COP1: variants seen among roughly 807,000 people sequenced by gnomAD.
COP1 encodes COP1 E3 ubiquitin ligase, also known as E3 ubiquitin-protein ligase COP1.
In COP1, 24 loss-of-function variants were observed where a neutral mutation model predicts 101.3. The ratio of observed to expected loss-of-function variants is 0.24; its 90% CI spans 0.17 to 0.33. COP1 has a LOEUF of 0.33. Ranked by LOEUF, COP1 falls within the 10% of genes least tolerant of loss-of-function variation. The pLI, the probability that COP1 is intolerant of heterozygous loss-of-function variation, is 1.00. For synonymous variants in COP1, 347 were observed against 341.9 expected, an observed-to-expected ratio of 1.01 and a Z score of -0.17; for missense variants, 663 against 906.2, an observed-to-expected ratio of 0.73 and a Z score of 3.45.
intron 3 of COP1, among the ~76,000 whole-genome samples, chr1:176,166,345 T>C (rs2149979663): frequency 6.6e-6 from 1 of 152,322 alleles, no homozygotes; most frequent in African/African-American, 2.4e-5. Flanking sequence ...CAGGCTGATC[T>C]TGAACTCTTG....
intron 15 of COP1, among the ~76,000 whole-genome samples, chr1:175,998,430 G>A (rs1660816373): frequency 6.6e-6 from 1 of 150,686 alleles, no homozygotes; most frequent in South Asian, 2.1e-4. Flanking sequence ...CCTGCACATT[G>A]TGCACATGTA....
At chr1:176,201,193 A>G (rs1700228852) in intron 1 of COP1, among the ~76,000 whole-genome samples, 1 of 152,250 alleles carries the variant, frequency 6.6e-6, no homozygotes, top group South Asian at 2.1e-4. Flanking sequence ...TTCGAAAACA[A>G]AAACCAAAAA....
chr1:176,156,722 A>G (rs528725446), intron 5 of COP1, among the ~76,000 whole-genome samples: 1 of 152,332 alleles, frequency 6.6e-6, no homozygotes, highest in South Asian at 2.1e-4. Context: ...CATAATAATA[A>G]TAAAGGAGAT....
At chr1:176,170,926 C>G (rs899404762) in intron 3 of COP1, among the ~76,000 whole-genome samples, 5 of 151,940 alleles carry the variant, frequency 3.3e-5, no homozygotes, top group African/African-American at 1.2e-4. Context: ...GAGATCAAGA[C>G]CATCCTGGCT....
At chr1:176,035,710 C>CAAAAAAAAAAAAAAAAAAAACACAAAA (rs1669389175) in intron 14 of COP1, among the ~76,000 whole-genome samples, 1 of 73,110 alleles carries the variant, frequency 1.4e-5, no homozygotes, top group Non-Finnish European at 2.5e-5. Context: ...AAAACGAGAC[C>CAAAAAAAAAAAAAAAAAAAACACAAAA]AAAAAAAAAA....
chr1:176,072,083 T>C (rs191042374), intron 11 of COP1, among the ~76,000 whole-genome samples: 8 of 152,364 alleles, frequency 5.3e-5, no homozygotes, highest in East Asian at 1.9e-4. Flanking sequence ...TGAATTACCA[T>C]AGAAGTAGAA....
intron 18 of COP1, among the ~76,000 whole-genome samples, chr1:175,985,911 T>C (rs945982016): frequency 5.3e-5 from 8 of 152,140 alleles, no homozygotes; most frequent in Admixed American, 6.5e-5. Context: ...GATTTTTAAA[T>C]TACATATCAA....
In COP1 at chr1:176,046,330, G is replaced by T; in HGVS notation, c.1278-6C>A. ...AATCCCGGTCAAATTCAATACTAAG[G>T]GGAAAAAGTATGTAATGACAACATT... On this transcript the variant is annotated splice_polypyrimidine_tract_variant and splice_region_variant and intron_variant, in intron 11 of 19. Coordinates refer to ENST00000367669, the MANE Select transcript of COP1 (RefSeq NM_022457.7). 6.2e-7 allele frequency: 1 copy of T among 1,602,714 alleles called. No homozygotes were observed. Among genetic ancestry groups the T allele is most frequent in the Non-Finnish European group, 8.5e-7 (1 of 1,176,832 alleles).
chr1:176,042,424 A>T (rs1204499157), intron 14 of COP1, among the ~76,000 whole-genome samples: 1 of 146,242 alleles, frequency 6.8e-6, no homozygotes, highest in Non-Finnish European at 1.5e-5. Context: ...TTAGCCAGGC[A>T]TGGTGGTGGG....
At chr1:176,079,469 G>A (rs1041790204) in intron 11 of COP1, among the ~76,000 whole-genome samples, 1 of 151,772 alleles carries the variant, frequency 6.6e-6, no homozygotes, top group African/African-American at 2.4e-5. Context: ...CACATACCGG[G>A]GACAACTAGA....
At position 176,188,911 on chromosome 1, in the gene COP1, T is replaced by C. The variant is rs1698794780; in HGVS notation, c.408-4219A>G. ...GTGACATATGTGAAATGTTCTAACATACATGTAATTGAAGTCACAGATGAC... is the reference window on the plus strand; with the variant it reads ...GTGACATATGTGAAATGTTCTAACACACATGTAATTGAAGTCACAGATGAC... On this transcript the variant is annotated intron_variant, in intron 1 of 19. Transcript: ENST00000367669. Among the ~76,000 whole-genome samples the C allele has an allele frequency of 1.3e-5, 2 of 151,850 alleles. 1 individual carries two copies. Among genetic ancestry groups the C allele is most frequent in the South Asian group, 4.1e-4 (2 of 4,830 alleles).
At chr1:176,094,735 AAG>A (rs1349066387) in intron 9 of COP1, among the ~76,000 whole-genome samples, 1 of 151,630 alleles carries the variant, frequency 6.6e-6, no homozygotes, top group Non-Finnish European at 1.5e-5. Context: ...ATGAAGATAA[AAG>A]AGCAAATTAG....
intron 9 of COP1, among the ~76,000 whole-genome samples, chr1:176,098,455 G>A (rs1283638513): frequency 2.0e-5 from 3 of 152,128 alleles, no homozygotes; most frequent in Non-Finnish European, 4.4e-5. Flanking sequence ...TTAACAGAGC[G>A]AGACTCCATC....
chr1:176,123,911 C>T (rs1687564812), intron 8 of COP1, among the ~76,000 whole-genome samples: 1 of 152,156 alleles, frequency 6.6e-6, no homozygotes, highest in African/African-American at 2.4e-5. Flanking sequence ...ATCTCTACCA[C>T]TCCCAAACCC....
intron 18 of COP1, among the ~76,000 whole-genome samples, chr1:175,980,941 T>C (rs1027501497): frequency 6.6e-6 from 1 of 152,128 alleles, no homozygotes; most frequent in Non-Finnish European, 1.5e-5. Flanking sequence ...CATCATCACA[T>C]AGGAACAAAT....
intron 6 of COP1, among the ~76,000 whole-genome samples, chr1:176,146,742 A>G (rs1691639147): frequency 6.6e-6 from 1 of 152,194 alleles, no homozygotes; most frequent in East Asian, 1.9e-4. Flanking sequence ...TAGACTCAAT[A>G]TATTAAATTT....
chr1:176,077,162 A>T (rs1382695826), intron 11 of COP1, among the ~76,000 whole-genome samples: 1 of 152,124 alleles, frequency 6.6e-6, no homozygotes. Context: ...TCTGGCAGAG[A>T]CACAATGATA....
chr1:176,047,094 A>G (rs963903986), intron 11 of COP1, among the ~76,000 whole-genome samples: 6 of 152,190 alleles, frequency 3.9e-5, no homozygotes, highest in Non-Finnish European at 5.9e-5. Context: ...GCCTAAACAC[A>G]GTTGTTACAT....
At chr1:176,037,128 C>A (rs978410473) in intron 14 of COP1, among the ~76,000 whole-genome samples, 1 of 152,110 alleles carries the variant, frequency 6.6e-6, no homozygotes, top group Non-Finnish European at 1.5e-5. Context: ...ATAGGCCAGG[C>A]GCAGTGGCTC....
Sources: gnomAD v4.1 joint callset for allele counts (sites outside exome capture counted in the v4.1 genomes callset) on GRCh38, gnomAD v4.1.1 for gene constraint, MANE v1.5 for transcripts, NCBI Gene and HGNC (gene_info 2026-07-23, HGNC 2026-07-21) for gene names.